Variants in AHI1 observed in about 807,000 individuals in gnomAD.
AHI1 encodes Abelson helper integration site 1, also known as jouberin.
AHI1 carries 123 observed loss-of-function variants against 149.3 expected under a neutral mutation model. That is an observed-to-expected ratio of 0.82 (90% CI 0.71 to 0.96). The LOEUF is 0.96. Among genes scored for constraint, AHI1 ranks in the 40% least tolerant of loss-of-function variants. The pLI, the probability that AHI1 is intolerant of heterozygous loss-of-function variation, is 0.00. For synonymous variants in AHI1, 475 were observed against 459.8 expected, an observed-to-expected ratio of 1.03 and a Z score of -0.42; for missense variants, 1,439 against 1,422.7, an observed-to-expected ratio of 1.01 and a Z score of -0.18.
At chr6:135,287,042 G>T (rs1583497795) in intron 28 of AHI1, among the ~76,000 whole-genome samples, 1 of 152,126 alleles carries the variant, frequency 6.6e-6, no homozygotes, top group Non-Finnish European at 1.5e-5. Flanking sequence ...GGAGGGTAAA[G>T]GATCTTACAG....
chr6:135,441,535 T>G (rs1429013812), intron 14 of AHI1, among the ~76,000 whole-genome samples: 1 of 149,310 alleles, frequency 6.7e-6, no homozygotes, highest in East Asian at 1.9e-4. Flanking sequence ...AGACAAAGAT[T>G]CCTCTTCCTC....
intron 5 of AHI1, among the ~76,000 whole-genome samples, chr6:135,475,833 A>G (rs1393217416): frequency 6.6e-6 from 1 of 152,178 alleles, no homozygotes; most frequent in African/African-American, 2.4e-5. Context: ...TGGGTATAAC[A>G]GCTTTTGAGT....
At chr6:135,410,630 T>C (rs1781455332) in intron 21 of AHI1, among the ~76,000 whole-genome samples, 1 of 152,206 alleles carries the variant, frequency 6.6e-6, no homozygotes, top group South Asian at 2.1e-4. Context: ...AACTTTCTCT[T>C]TTACCATTTG....
chr6:135,350,886 TG>T (rs1460988005), intron 24 of AHI1, among the ~76,000 whole-genome samples: 2 of 152,124 alleles, frequency 1.3e-5, no homozygotes, highest in East Asian at 1.9e-4. Flanking sequence ...GGAAAGGGTT[TG>T]GGTTTTATCC....
intron 12 of AHI1, 109 bp from the exon 13 acceptor site, chr6:135,447,269 A>T (rs1787388081): frequency 7.6e-6 from 6 of 792,800 alleles, no homozygotes; most frequent in Non-Finnish European, 1.0e-5. Flanking sequence ...TATTTTCAAA[A>T]TGTAATCCAG....
chr6:135,287,196 T>C (rs1781791829), intron 28 of AHI1, among the ~76,000 whole-genome samples: 2 of 152,198 alleles, frequency 1.3e-5, no homozygotes, highest in East Asian at 3.9e-4. Context: ...GTGCAGAAGA[T>C]GTAGGACAAG....
chr6:135,471,880 C>T (rs949486905), intron 5 of AHI1, among the ~76,000 whole-genome samples: 6 of 151,376 alleles, frequency 4.0e-5, no homozygotes, highest in Admixed American at 1.3e-4. Flanking sequence ...GGCGCGGTGG[C>T]GGGCACCTGT....
chr6:135,310,751 C>A (rs1241128977), intron 26 of AHI1, among the ~76,000 whole-genome samples: 1 of 152,092 alleles, frequency 6.6e-6, no homozygotes. Flanking sequence ...TCCACATCTT[C>A]AAAAATAATC....
chr6:135,382,332 AG>A (rs1776877766), intron 23 of AHI1, among the ~76,000 whole-genome samples: 1 of 152,360 alleles, frequency 6.6e-6, no homozygotes, highest in Middle Eastern at 3.4e-3. Flanking sequence ...TTCAAGGAAA[AG>A]GCTTCTTAAA....
chr6:135,433,333 C>A lies in AHI1; in HGVS notation c.2037-77G>T, dbSNP rs737561. On this transcript the variant is annotated intron_variant, in intron 15 of 28. Coordinates refer to ENST00000265602, the MANE Select transcript of AHI1 (RefSeq NM_001134831.2). The stretch of plus-strand genomic sequence containing the variant: ...TTAACAGTTTTTCTAAGAACCAACA[C>A]AGCCAATGAACCTTAAGCAAGCAAG... 13 of 1,011,506 alleles carry A rather than the reference C, an allele frequency of 1.3e-5. No homozygotes were observed. In the Admixed American group the frequency reaches 2.9e-4, roughly 23 times the overall value. 62.7% of individuals were successfully genotyped at this position (1,011,506 alleles called of 1,614,324 possible).
chr6:135,325,759 C>A (rs1003121554), intron 24 of AHI1, among the ~76,000 whole-genome samples: 3 of 152,080 alleles, frequency 2.0e-5, no homozygotes, highest in Admixed American at 2.0e-4. Flanking sequence ...GGGTGTGGTA[C>A]AAAACACAAC....
intron 26 of AHI1, among the ~76,000 whole-genome samples, chr6:135,303,554 CTT>C (rs545356822): frequency 1.5e-5 from 2 of 137,354 alleles, no homozygotes; most frequent in Admixed American, 7.2e-5. Context: ...CTCTTGGGGT[CTT>C]TTTTTTTTTT....
At chr6:135,287,727 C>A (rs1255904377) in intron 28 of AHI1, among the ~76,000 whole-genome samples, 1 of 152,170 alleles carries the variant, frequency 6.6e-6, no homozygotes, top group Non-Finnish European at 1.5e-5. Flanking sequence ...TTCTTCTTAG[C>A]AAGCTTATGA....
Position 135,492,581 on chromosome 6 carries a change from A to G in AHI1, c.-54-290T>C. 8.1e-6 allele frequency: 8 copies of G among 984,806 alleles called. No individual in the cohort carries two copies. In the South Asian group the frequency reaches 3.3e-4, roughly 40 times the overall value. The allele number at this position is 984,806 out of a possible 1,614,324, so 61.0% of individuals were successfully genotyped here. On this transcript the variant is annotated intron_variant, in intron 3 of 28. Transcript: ENST00000265602. ...TGCACATCTAATGTGGTATGTTAAT[A>G]AACTTTTTAAAGTGTTTTAATACAT... is the stretch of plus-strand genomic sequence containing the variant.
Position 135,395,371 on chromosome 6 carries a change from C to T in AHI1, c.2989-475G>A, listed in dbSNP as rs144029429. On this transcript the variant is annotated intron_variant, in intron 22 of 28. Coordinates refer to ENST00000265602, the MANE Select transcript of AHI1 (RefSeq NM_001134831.2). ...GGTGACACAGATAACACAGCTGTAA[C>T]CTAGCTTGCCATGTGAAATAGTATC... is the stretch of plus-strand genomic sequence containing the variant. 4.2e-3 allele frequency among the ~76,000 whole-genome samples: 643 copies of T among 151,990 alleles called. 2 individuals are homozygous for T. Among genetic ancestry groups the T allele is most frequent in the African/African-American group, 0.015 (617 of 41,522 alleles).
At chr6:135,455,277 A>ACATATAAGT (rs1240759504) in intron 10 of AHI1, among the ~76,000 whole-genome samples, 2 of 152,192 alleles carry the variant, frequency 1.3e-5, no homozygotes, top group Non-Finnish European at 2.9e-5. Context: ...CTAACCCTTC[A>ACATATAAGT]CATATAAGTT....
chr6:135,420,904 T>C (rs556139896), intron 20 of AHI1, among the ~76,000 whole-genome samples: 2 of 152,310 alleles, frequency 1.3e-5, no homozygotes, highest in South Asian at 4.1e-4. Context: ...CATGCCTTCC[T>C]CACTGACCTC....
chr6:135,353,543 A>C (rs1792490033), intron 24 of AHI1, among the ~76,000 whole-genome samples: 1 of 152,154 alleles, frequency 6.6e-6, no homozygotes, highest in Non-Finnish European at 1.5e-5. Context: ...TTTTACATGA[A>C]TATATGTATA....
intron 20 of AHI1, among the ~76,000 whole-genome samples, chr6:135,419,578 A>C (rs1388611788): frequency 6.6e-6 from 1 of 152,122 alleles, no homozygotes; most frequent in Non-Finnish European, 1.5e-5. Context: ...GTGTAGCATT[A>C]TGTCTAAAAA....
Sources: allele counts gnomAD v4.1 joint callset (sites outside exome capture counted in the v4.1 genomes callset), GRCh38; gene constraint gnomAD v4.1.1; transcripts MANE v1.5; gene names NCBI Gene and HGNC (gene_info 2026-07-23, HGNC 2026-07-21).